NOL4: variants seen among roughly 807,000 people sequenced by gnomAD.
NOL4 encodes the protein cancer/testis antigen 125.
NOL4 carries 17 observed loss-of-function variants against 75.9 expected under a neutral mutation model. That is an observed-to-expected ratio of 0.22 (90% confidence interval 0.15 to 0.34). The LOEUF (loss-of-function observed/expected upper bound fraction) is 0.34. NOL4 is among the 10% of genes least tolerant of loss of function. The pLI, the probability that NOL4 is intolerant of heterozygous loss-of-function variation, is 1.00. For missense variants in NOL4, 614 were observed against 793.5 expected (o/e 0.77, Z 2.72); for synonymous variants, 292 against 289.9 (o/e 1.01, Z -0.07).
chr18:34,177,802 T>A (rs2033680313), intron 1 of NOL4, among the ~76,000 whole-genome samples: 1 of 151,766 alleles, frequency 6.6e-6, no homozygotes, highest in Admixed American at 6.6e-5. Context: ...AGTTCCCAGA[T>A]AAACAAAAAT....
intron 6 of NOL4, among the ~76,000 whole-genome samples, chr18:34,005,725 C>T (rs1164105693): frequency 1.3e-5 from 2 of 151,994 alleles, no homozygotes; most frequent in Admixed American, 6.6e-5. Context: ...CACTGTAATG[C>T]TTACATACTT....
chr18:34,205,210 T>C (rs908650974), intron 1 of NOL4, among the ~76,000 whole-genome samples: 10 of 152,150 alleles, frequency 6.6e-5, no homozygotes, highest in Non-Finnish European at 8.8e-5. Flanking sequence ...ATTTATGCCA[T>C]GAACAATAGA....
At chr18:34,031,909 C>T (rs1600321604) in intron 5 of NOL4, among the ~76,000 whole-genome samples, 2 of 152,146 alleles carry the variant, frequency 1.3e-5, no homozygotes, top group East Asian at 3.9e-4. Context: ...AATGGCACTG[C>T]CCCAGAGAGA....
intron 2 of NOL4, among the ~76,000 whole-genome samples, chr18:34,120,159 T>G (rs1015771551): frequency 2.5e-4 from 38 of 152,190 alleles, no homozygotes; most frequent in African/African-American, 9.2e-4. Context: ...TTGGAAAAAA[T>G]TGTTATGTCA....
At chr18:33,909,448 T>C (rs1388330576) in intron 9 of NOL4, among the ~76,000 whole-genome samples, 1 of 152,166 alleles carries the variant, frequency 6.6e-6, no homozygotes, top group Non-Finnish European at 1.5e-5. Context: ...ATCCCACGAT[T>C]ACTTCCTAGG....
intron 5 of NOL4, among the ~76,000 whole-genome samples, chr18:34,067,404 A>T (rs1037509499): frequency 6.6e-6 from 1 of 152,184 alleles, no homozygotes; most frequent in Non-Finnish European, 1.5e-5. Flanking sequence ...TTGAGTAAAA[A>T]AAGCCATGTG....
chr18:33,945,277 A>G (rs2068761037), intron 8 of NOL4, among the ~76,000 whole-genome samples: 1 of 151,728 alleles, frequency 6.6e-6, no homozygotes, highest in East Asian at 1.9e-4. Context: ...TTTTTCAGCT[A>G]TCACCATTAA....
Position 34,185,734 on chromosome 18 carries a change from T to C in NOL4, c.264+37256A>G, listed in dbSNP as rs916442182. ...ATAGAGTGCATGAGCTTTGTACCTC[T>C]CATTTCAAGAATAAGGCTTGAATAC... On this transcript the variant is annotated intron_variant, in intron 1 of 10. Coordinates refer to ENST00000261592, the MANE Select transcript of NOL4 (RefSeq NM_003787.5). Among the ~76,000 whole-genome samples, 3 of 152,128 alleles carry C rather than the reference T, an allele frequency of 2.0e-5. No individual in the cohort carries two copies. In the East Asian group the frequency reaches 5.8e-4, roughly 29 times the overall value.
intron 6 of NOL4, among the ~76,000 whole-genome samples, chr18:34,009,467 A>C (rs2074248923): frequency 6.6e-6 from 1 of 152,008 alleles, no homozygotes; most frequent in Non-Finnish European, 1.5e-5. Flanking sequence ...TTTTTGCAAG[A>C]TTCAGCTAAA....
intron 5 of NOL4, among the ~76,000 whole-genome samples, chr18:34,041,383 A>G (rs545167886): frequency 1.3e-4 from 20 of 152,116 alleles, no homozygotes; most frequent in African/African-American, 4.3e-4. Context: ...AAGAATGGCA[A>G]ACAGAGGAAA....
intron 6 of NOL4, among the ~76,000 whole-genome samples, chr18:33,996,420 AT>A (rs536070367): frequency 4.3e-4 from 65 of 151,090 alleles, no homozygotes; most frequent in South Asian, 3.3e-3. Context: ...TAAGTCCAAG[AT>A]TTTTTTTCAA....
At chr18:33,932,460 C>G (rs2067761741) in intron 9 of NOL4, among the ~76,000 whole-genome samples, 1 of 152,014 alleles carries the variant, frequency 6.6e-6, no homozygotes, top group African/African-American at 2.4e-5. Context: ...AACACACTAC[C>G]TGTTTATTAA....
In NOL4 at chr18:33,852,480, T is replaced by G. The variant is rs968106716; in HGVS notation, c.*362A>C. ...GTACTTCAGCTTTCAGTCCAATGAG[T>G]CAGTAGCAAATTCCACTAATATTTC... On this transcript the variant is annotated 3_prime_UTR_variant, in exon 11 of 11. Coordinates refer to ENST00000261592, the MANE Select transcript of NOL4 (RefSeq NM_003787.5). 21 of 155,408 alleles carry G rather than the reference T, an allele frequency of 1.4e-4. No homozygotes were observed. The highest frequency in any genetic ancestry group is 4.9e-4 in the African/African-American group (20 of 40,406). The allele number at this position is 155,408 out of a possible 1,614,324, so 9.6% of individuals were successfully genotyped here.
chr18:34,042,872 C>T (rs1289254390), intron 5 of NOL4, among the ~76,000 whole-genome samples: 1 of 151,996 alleles, frequency 6.6e-6, no homozygotes, highest in African/African-American at 2.4e-5. Context: ...GGAAATAGGT[C>T]GAATCACATT....
At chr18:34,141,721 A>G (rs1419939248) in intron 1 of NOL4, among the ~76,000 whole-genome samples, 3 of 152,228 alleles carry the variant, frequency 2.0e-5, no homozygotes, top group African/African-American at 7.2e-5. Flanking sequence ...ACCTAAAACC[A>G]TGAAAACCTT....
chr18:33,858,531 A>G (rs2062938382), intron 10 of NOL4, among the ~76,000 whole-genome samples: 1 of 151,990 alleles, frequency 6.6e-6, no homozygotes, highest in Non-Finnish European at 1.5e-5. Flanking sequence ...ATATTTATCA[A>G]TGGGCTAAAG....
At chr18:33,957,619 T>C (rs2069750155) in intron 7 of NOL4, 102 bp from the exon 8 acceptor site, 1 of 906,120 alleles carries the variant, frequency 1.1e-6, no homozygotes, top group Admixed American at 3.1e-5. Context: ...TGTTTTCTGG[T>C]TTATGCACTG....
chr18:33,911,439 A>T (rs1470933929), intron 9 of NOL4, among the ~76,000 whole-genome samples: 1 of 151,642 alleles, frequency 6.6e-6, no homozygotes, highest in Non-Finnish European at 1.5e-5. Context: ...TTTATTTTCT[A>T]TTTTTTGTCT....
chr18:34,209,493 A>C (rs1658514986), intron 1 of NOL4, among the ~76,000 whole-genome samples: 2 of 152,168 alleles, frequency 1.3e-5, no homozygotes, highest in Admixed American at 6.5e-5. Flanking sequence ...ATCCAAGAAA[A>C]AATGGTTATA....
Sources: gnomAD v4.1 joint callset for allele counts (sites outside exome capture counted in the v4.1 genomes callset) on GRCh38, gnomAD v4.1.1 for gene constraint, MANE v1.5 for transcripts, NCBI Gene and HGNC (gene_info 2026-07-23, HGNC 2026-07-21) for gene names.